LSM11: variants seen among roughly 807,000 people sequenced by gnomAD.
LSM11 encodes the protein LSM11, U7 small nuclear RNA associated.
A neutral mutation model predicts 28.1 loss-of-function variants in LSM11; 14 were observed. That is an observed-to-expected ratio of 0.50 (90% confidence interval 0.33 to 0.78). The LOEUF (loss-of-function observed/expected upper bound fraction) is 0.78. Ranked by LOEUF, LSM11 falls within the 30% of genes least tolerant of loss-of-function variation. LSM11 has a pLI of 0.02. For missense variants in LSM11, 495 were observed against 510.6 expected, an observed-to-expected ratio of 0.97 and a Z score of 0.30; for synonymous variants, 207 against 214.2, an observed-to-expected ratio of 0.97 and a Z score of 0.30.
In LSM11 at chr5:157,755,849, C is replaced by T; in HGVS notation, c.*585C>T. The T allele has an allele frequency of 2.5e-6, 1 of 399,112 alleles. No homozygotes were observed. Among genetic ancestry groups the T allele is most frequent in the Non-Finnish European group, 4.4e-6 (1 of 226,948 alleles). 24.7% of individuals were successfully genotyped at this position (399,112 alleles called of 1,614,324 possible). A position where few individuals can be genotyped will look rare whatever the true frequency, so the allele number is the denominator to read the frequency against. ...GTGAAATTTGGATAGGCGGTATGCT[C>T]AAAGCAGCCAGCAATGAGTGCTCTG... On this transcript the variant is annotated 3_prime_UTR_variant, in exon 4 of 4. Transcript: ENST00000286307.
chr5:157,751,472 G>A lies in LSM11; in HGVS notation c.531G>A (p.Lys177=). 1 of 1,613,162 alleles carries A rather than the reference G, an allele frequency of 6.2e-7. No homozygotes were observed. Among genetic ancestry groups the A allele is most frequent in the Non-Finnish European group, 8.5e-7 (1 of 1,179,706 alleles). The change falls in exon 2 of 4, where the codon AAG becomes AAA. Residue 177 remains lysine (K), a synonymous_variant. Transcript: ENST00000286307. Reference sequence around the variant, plus strand: ...TGAATGTTCACATCCGCACTTTCAAGGGACTTCGGGGCGTCTGTACAGGCT... The same window carrying A: ...TGAATGTTCACATCCGCACTTTCAAAGGACTTCGGGGCGTCTGTACAGGCT... ...VKVNVHIRTF[K]GLRGVCTGFL... is the part of the protein sequence containing the mutation.
At chr5:157,746,869 G>A (rs1377288404) in intron 1 of LSM11, among the ~76,000 whole-genome samples, 1 of 152,066 alleles carries the variant, frequency 6.6e-6, no homozygotes, top group Admixed American at 6.6e-5. Flanking sequence ...GAGATCATAG[G>A]GACATCATAG....
At chr5:157,752,703 A>G (rs548603653) in intron 2 of LSM11, among the ~76,000 whole-genome samples, 3 of 151,906 alleles carry the variant, frequency 2.0e-5, no homozygotes, top group East Asian at 3.9e-4. Flanking sequence ...AAAATTAGCC[A>G]GACATGGTGG....
At chr5:157,748,528 A>G (rs151335947) in intron 1 of LSM11, among the ~76,000 whole-genome samples, 10 of 152,248 alleles carry the variant, frequency 6.6e-5, no homozygotes, top group South Asian at 4.1e-4. Context: ...TCTTACTTCA[A>G]TTGTCCTACA....
At position 157,759,101 on chromosome 5, in the gene LSM11, G is replaced by A. The variant is rs958455634; in HGVS notation, c.*3837G>A. 6.6e-6 allele frequency: 1 copy of A among 152,210 alleles called. No individual in the cohort carries two copies. Among genetic ancestry groups the A allele is most frequent in the Non-Finnish European group, 1.5e-5 (1 of 68,036 alleles). The allele number at this position is 152,210 out of a possible 1,614,324, so 9.4% of individuals were successfully genotyped here. A position where few individuals can be genotyped will look rare whatever the true frequency, so the allele number is the denominator to read the frequency against. The stretch of plus-strand genomic sequence containing the variant: ...GTGGCTTTAGACCAGTCAGTACCTT[G>A]CTCTTTGTGCATGGTGCATGTCAAG... On this transcript the variant is annotated 3_prime_UTR_variant, in exon 4 of 4. Coordinates refer to ENST00000286307, the MANE Select transcript of LSM11 (RefSeq NM_173491.4).
At chr5:157,753,911 T>TCC (rs1761280557) in intron 2 of LSM11, 93 bp from the exon 3 acceptor site, 2 of 871,322 alleles carry the variant, frequency 2.3e-6, no homozygotes, top group Non-Finnish European at 1.7e-6. Context: ...TCTGAATAGA[T>TCC]GTTACTCTGC....
At chr5:157,746,335 A>G (rs1761147599) in intron 1 of LSM11, among the ~76,000 whole-genome samples, 1 of 152,354 alleles carries the variant, frequency 6.6e-6, no homozygotes, top group East Asian at 1.9e-4. Context: ...AACAGCAAGA[A>G]GAAGCTTTGT....
chr5:157,750,756 G>A (rs945523371), intron 1 of LSM11, among the ~76,000 whole-genome samples: 3 of 152,170 alleles, frequency 2.0e-5, no homozygotes, highest in Non-Finnish European at 4.4e-5. Context: ...CGCTGTTAAT[G>A]TATACATTTA....
rs1300314381 is a variant in LSM11, at chr5:157,757,206, G to A, written c.*1942G>A. On this transcript the variant is annotated 3_prime_UTR_variant, in exon 4 of 4. Transcript: ENST00000286307. ...AAAAAAAGTAATCTTAGGGTTCATA[G>A]TTATGATCCTGTTGTAACTATCTTC... 2 of 152,004 alleles carry A rather than the reference G, an allele frequency of 1.3e-5. No homozygotes were observed. The highest frequency in any genetic ancestry group is 2.9e-5 in the Non-Finnish European group (2 of 68,046). 9.4% of individuals were successfully genotyped at this position (152,004 alleles called of 1,614,324 possible).
chr5:157,744,130 C>T lies in LSM11; in HGVS notation c.380C>T (p.Ala127Val), dbSNP rs369181117. Residue 127 changes from alanine to valine, a missense_variant, in exon 1 of 4, where the codon GCA (alanine) becomes GTA (valine). Ala to Val is a moderately conservative substitution (Grantham distance 64). Transcript: ENST00000286307. ...GCCAAAGAGGAAGGGGACGGGGCCG[C>T]AGGAGCGGGCCGGAGGGGTCCGGGT... Reference protein sequence around the residue: ...MVAKEEGDGAAGAGRRGPGRS... With the variant: ...MVAKEEGDGAVGAGRRGPGRS... 3.8e-5 allele frequency: 56 copies of T among 1,475,424 alleles called. No individual in the cohort carries two copies. Among genetic ancestry groups the T allele is most frequent in the Non-Finnish European group, 4.8e-5 (54 of 1,117,216 alleles). 91.4% of individuals were successfully genotyped at this position (1,475,424 alleles called of 1,614,324 possible).
In LSM11 at chr5:157,755,076, G is replaced by C. The variant is rs769993241; in HGVS notation, c.895G>C (p.Gly299Arg). The change falls in exon 4 of 4, where the codon GGG becomes CGG. Residue 299 changes from glycine (G) to arginine (R), a missense_variant. By Grantham distance (125) the Gly-to-Arg change is moderately radical (BLOSUM62 -2). Transcript: ENST00000286307. ...AREESRSELS[G>R]RTTRTDGSSV... ...GGAGGAGTCCAGGTCAGAGCTGTCA[G>C]GGAGGACTACACGGACAGACGGCTC... 2 of 1,614,232 alleles carry C rather than the reference G, an allele frequency of 1.2e-6. No individual in the cohort carries two copies. The highest frequency in any genetic ancestry group is 2.2e-5 in the South Asian group (2 of 91,090).
At chr5:157,753,662 C>A (rs1264861600) in intron 2 of LSM11, among the ~76,000 whole-genome samples, 1 of 152,156 alleles carries the variant, frequency 6.6e-6, no homozygotes, top group African/African-American at 2.4e-5. Context: ...TCATCCCAGA[C>A]CTACCAAAAC....
chr5:157,753,976 T>A, intron 2 of LSM11, 28 bp from the exon 3 acceptor site: 1 of 1,447,314 alleles, frequency 6.9e-7, no homozygotes, highest in Non-Finnish European at 9.3e-7. Context: ...TTCTGTCTAA[T>A]GTTTTTCCTT....
chr5:157,752,285 A>G (rs1338957156), intron 2 of LSM11, among the ~76,000 whole-genome samples: 1 of 150,816 alleles, frequency 6.6e-6, no homozygotes, highest in East Asian at 2.0e-4. Flanking sequence ...CCCTGCCACC[A>G]TGCCCAGCTG....
Position 157,754,906 on chromosome 5 carries a change from A to G in LSM11, c.725A>G (p.Lys242Arg), listed in dbSNP as rs758911524. 1.1e-5 allele frequency: 17 copies of G among 1,614,062 alleles called. No homozygotes were observed. The African/African-American group carries it at 2.3e-4, about 22-fold the overall frequency. The change falls in exon 4 of 4, where the codon AAG (lysine) becomes AGG (arginine). Residue 242 changes from lysine (K) to arginine (R), a missense_variant. By Grantham distance (26) the Lys-to-Arg change is conservative (BLOSUM62 2). Coordinates refer to ENST00000286307, the MANE Select transcript of LSM11 (RefSeq NM_173491.4). Reference protein sequence around the residue: ...QDSSKKEADSKSAVEDSTLSR... With the variant: ...QDSSKKEADSRSAVEDSTLSR... ...TCCTCCAAGAAGGAAGCAGATTCTA[A>G]GTCTGCAGTTGAAGATTCCACTCTG...
At chr5:157,746,917 GTAA>G (rs1268751489) in intron 1 of LSM11, among the ~76,000 whole-genome samples, 3 of 152,034 alleles carry the variant, frequency 2.0e-5, no homozygotes, top group Admixed American at 2.0e-4. Flanking sequence ...TCAAAAAAAA[GTAA>G]TAATAAAAGT....
intron 3 of LSM11, among the ~76,000 whole-genome samples, chr5:157,754,420 G>A (rs938234654): frequency 2.0e-5 from 3 of 152,122 alleles, no homozygotes; most frequent in Admixed American, 6.5e-5. Flanking sequence ...ATGGCCAGGC[G>A]TGGTGGCTCA....
chr5:157,749,148 A>G (rs756392466), intron 1 of LSM11, among the ~76,000 whole-genome samples: 5 of 152,230 alleles, frequency 3.3e-5, no homozygotes, highest in African/African-American at 1.2e-4. Context: ...AGAAAGACCA[A>G]TTGAAAGACC....
rs1289678316 is a variant in LSM11, at chr5:157,756,113, T to G, written c.*849T>G. 6.1e-6 allele frequency: 1 copy of G among 163,082 alleles called. No individual in the cohort carries two copies. Among genetic ancestry groups the G allele is most frequent in the Non-Finnish European group, 1.3e-5 (1 of 75,194 alleles). The allele number at this position is 163,082 out of a possible 1,614,324, so 10.1% of individuals were successfully genotyped here. A position where few individuals can be genotyped will look rare whatever the true frequency, so the allele number is the denominator to read the frequency against. ...TTATGTCAGGAGACTGTGACCTTCA[T>G]GTCCAGCTTCAAAGAGTTGTGCATG... On this transcript the variant is annotated 3_prime_UTR_variant, in exon 4 of 4. Transcript: ENST00000286307.
Sources: allele counts gnomAD v4.1 joint callset (sites outside exome capture counted in the v4.1 genomes callset), GRCh38; gene constraint gnomAD v4.1.1; transcripts MANE v1.5; gene names NCBI Gene and HGNC (gene_info 2026-07-23, HGNC 2026-07-21).